LOC112694756: variants seen among roughly 807,000 people sequenced by gnomAD.
chr16:30,064,730 C>A, the LOC112694756 span: 1 of 356,740 alleles, frequency 2.8e-6, no homozygotes, highest in African/African-American at 2.1e-5. Context: ...GCCCGGGAAC[C>A]CCTAGCTCAC....
chr16:30,070,139 GA>G, the LOC112694756 span: 3 of 1,614,106 alleles, frequency 1.9e-6, no homozygotes, highest in Non-Finnish European at 2.5e-6. Context: ...GCCTGTCAAG[GA>G]AAGTACACTC....
At chr16:30,068,318 C>T in the LOC112694756 span, 17 of 369,382 alleles carry the variant, frequency 4.6e-5, no homozygotes, top group East Asian at 1.2e-3. Context: ...CCCACCTCGG[C>T]CTCCCAAAGT....
the LOC112694756 span, among the ~76,000 whole-genome samples, chr16:30,056,519 T>A: frequency 6.6e-6 from 1 of 152,208 alleles, no homozygotes; most frequent in African/African-American, 2.4e-5. Flanking sequence ...AATACAGTAC[T>A]ATCACTGCTG....
At chr16:30,062,314 C>T in the LOC112694756 span, among the ~76,000 whole-genome samples, 1 of 151,874 alleles carries the variant, frequency 6.6e-6, no homozygotes, top group African/African-American at 2.4e-5. Context: ...TGGGTTTAGC[C>T]CAGGAGTTTG....
At chr16:30,064,587 A>C in the LOC112694756 span, 1 of 398,200 alleles carries the variant, frequency 2.5e-6, no homozygotes, top group Non-Finnish European at 4.4e-6. Context: ...GCCCCACGAT[A>C]GTGTGAATGT....
At chr16:30,068,840 C>T in the LOC112694756 span, 1 of 1,614,236 alleles carries the variant, frequency 6.2e-7, no homozygotes, top group Non-Finnish European at 8.5e-7. Flanking sequence ...TGTCTGAGCG[C>T]TGTGCCCAGT....
the LOC112694756 span, among the ~76,000 whole-genome samples, chr16:30,060,899 T>TC: frequency 1.2e-4 from 19 of 152,054 alleles, no homozygotes; most frequent in Non-Finnish European, 1.5e-5. Flanking sequence ...AGGTGGCAGG[T>TC]CCCCTCCCCT....
At chr16:30,065,763 C>G in the LOC112694756 span, 3 of 152,642 alleles carry the variant, frequency 2.0e-5, no homozygotes, top group Admixed American at 6.6e-5. Context: ...TCCGCCTGCC[C>G]GCCTCCTGCG....
chr16:30,063,386 C>T, the LOC112694756 span, among the ~76,000 whole-genome samples: 1 of 152,136 alleles, frequency 6.6e-6, no homozygotes, highest in Non-Finnish European at 1.5e-5. Context: ...GACCCCGGGA[C>T]TGTAGCAGAA....
the LOC112694756 span, among the ~76,000 whole-genome samples, chr16:30,061,548 CTTTTTTTTTTTTTT>C: frequency 2.1e-4 from 14 of 65,624 alleles, no homozygotes; most frequent in East Asian, 5.9e-3. Context: ...CCTCCATTTC[CTTTTTTTTTTTTTT>C]TTTTTTTTTT....
the LOC112694756 span, chr16:30,066,924 C>T: frequency 2.6e-6 from 4 of 1,550,780 alleles, 1 homozygote; most frequent in South Asian, 4.8e-5. Context: ...CAGAAGGGTC[C>T]AGCTTCAACA....
chr16:30,066,852 T>G, the LOC112694756 span: 3 of 1,538,962 alleles, frequency 1.9e-6, no homozygotes, highest in Non-Finnish European at 2.6e-6. Flanking sequence ...GATCTTTACA[T>G]TCTAAAATAC....
chr16:30,066,203 G>A, the LOC112694756 span: 1 of 152,362 alleles, frequency 6.6e-6, no homozygotes, highest in Non-Finnish European at 1.5e-5. Context: ...CAAAGGATTA[G>A]GGCCCCTTAG....
the LOC112694756 span, chr16:30,064,202 G>A: frequency 2.5e-6 from 1 of 397,910 alleles, no homozygotes; most frequent in Non-Finnish European, 4.4e-6. Context: ...GGTACGCAGG[G>A]GTGCCTCAAC....
chr16:30,062,433 G>A, the LOC112694756 span, among the ~76,000 whole-genome samples: 2 of 151,466 alleles, frequency 1.3e-5, no homozygotes, highest in African/African-American at 2.4e-5. Flanking sequence ...TTGGGAGGCT[G>A]AGGCAGGAGA....
chr16:30,061,887 CATT>C, the LOC112694756 span, among the ~76,000 whole-genome samples: 16 of 151,592 alleles, frequency 1.1e-4, no homozygotes, highest in Non-Finnish European at 2.1e-4. Context: ...TAAAGAAGCC[CATT>C]ACTCAGGATT....
chr16:30,070,103 CT>C, the LOC112694756 span: 6 of 1,613,938 alleles, frequency 3.7e-6, no homozygotes, highest in East Asian at 1.1e-4. Flanking sequence ...CACTCCACCC[CT>C]CTCCCTGCTT....
At chr16:30,069,520 G>A in the LOC112694756 span, 2 of 1,613,932 alleles carry the variant, frequency 1.2e-6, no homozygotes, top group African/African-American at 2.7e-5. Context: ...TGTCTACAAG[G>A]CTCTGAGTGA....
At chr16:30,053,630 C>T in the LOC112694756 span, 3 of 152,634 alleles carry the variant, frequency 2.0e-5, no homozygotes, top group Admixed American at 6.5e-5. Context: ...CAGCTCAGGA[C>T]GAGAGCTGTC....
Sources: gnomAD v4.1 joint callset for allele counts (sites outside exome capture counted in the v4.1 genomes callset) on GRCh38, gnomAD v4.1.1 for gene constraint, MANE v1.5 for transcripts.